KLHL35: variants seen among roughly 807,000 people sequenced by gnomAD.
KLHL35 encodes kelch like family member 35, also known as kelch-like protein 35.
A neutral mutation model predicts 44.0 loss-of-function variants in KLHL35; 50 were observed. The observed-to-expected ratio is 1.14, with a 90% CI of 0.91 to 1.44. KLHL35 has a LOEUF of 1.44. Among genes scored for constraint, KLHL35 ranks in the 40% most tolerant of loss-of-function variants. The pLI is 0.00. For synonymous variants in KLHL35, 470 were observed against 410.4 expected, an observed-to-expected ratio of 1.15 and a Z score of -1.76; for missense variants, 1,049 against 887.8, an observed-to-expected ratio of 1.18 and a Z score of -2.31.
intron 2 of KLHL35, 85 bp downstream of exon 2, chr11:75,429,664 T>TA: frequency 1.5e-6 from 2 of 1,350,610 alleles, no homozygotes; most frequent in East Asian, 6.2e-5. Context: ...CAAGAGGCAG[T>TA]ACTAAAAGAT....
chr11:75,424,092 G>C, intron 5 of KLHL35: 1 of 526,954 alleles, frequency 1.9e-6, no homozygotes, highest in Non-Finnish European at 3.4e-6. Flanking sequence ...TCTGTCCTCT[G>C]CCTCTGGACT....
rs370027285 is a variant in KLHL35 at position 75,426,501 on chromosome 11, C to T, written c.1185+19G>A. 17 of 1,524,554 alleles carry T rather than the reference C, an allele frequency of 1.1e-5. No homozygotes were observed. The highest frequency in any genetic ancestry group is 3.7e-5 in the Admixed American group (2 of 53,668). 94.4% of individuals were successfully genotyped at this position (1,524,554 alleles called of 1,614,324 possible). ...TCTGTACCTTGTGTCCCAGGGCAGC[C>T]GCTGCAGCTCGTGCCTACCTGCCCC... On this transcript the variant is annotated intron_variant, in intron 4 of 6. Transcript: ENST00000539798.
Position 75,422,768 on chromosome 11 carries a change from C to T in KLHL35, c.1564G>A (p.Glu522Lys). The T allele has an allele frequency of 6.2e-7, 1 of 1,608,026 alleles. No homozygotes were observed. The highest frequency in any genetic ancestry group is 8.5e-7 in the Non-Finnish European group (1 of 1,174,880). Reference protein sequence around the residue: ...GEAAVLPSPVESCGVTVCDGK... With the variant: ...GEAAVLPSPVKSCGVTVCDGK... ...TCACACACAGTGACTCCACAGCTTTCCTGGGTGGACAAACAGAAAGACAAC... is the reference window on the plus strand; with the variant it reads ...TCACACACAGTGACTCCACAGCTTTTCTGGGTGGACAAACAGAAAGACAAC... The change falls in exon 7 of 7, where the codon GAA becomes AAA. Residue 522 changes from glutamate (E) to lysine (K), a missense_variant and splice_region_variant. Physicochemically the swap from Glu to Lys is moderately conservative, Grantham distance 56. Coordinates refer to ENST00000539798, the MANE Select transcript of KLHL35 (RefSeq NM_001039548.3).
chr11:75,426,448 G>C, intron 4 of KLHL35, 72 bp downstream of exon 4: 3 of 1,072,966 alleles, frequency 2.8e-6, no homozygotes, highest in Non-Finnish European at 4.0e-6. Flanking sequence ...GAGGGTTTTA[G>C]AGAACCTCCC....
chr11:75,429,695 G>A (rs971169159), intron 2 of KLHL35, 54 bp downstream of exon 2: 3 of 1,401,490 alleles, frequency 2.1e-6, no homozygotes, highest in Admixed American at 6.8e-5. Flanking sequence ...TGAATGAGCG[G>A]TGGAAGCAGG....
Position 75,429,857 on chromosome 11 carries a change from G to T in KLHL35, c.773C>A (p.Ala258Glu), listed in dbSNP as rs764731721. 12 of 1,517,022 alleles carry T rather than the reference G, an allele frequency of 7.9e-6. 1 individual carries two copies. In the East Asian group the frequency reaches 8.2e-5, roughly 10 times the overall value. 94.0% of individuals were successfully genotyped at this position (1,517,022 alleles called of 1,614,324 possible). The change falls in exon 2 of 7, where the codon GCG becomes GAG. Residue 258 changes from alanine to glutamate, a missense_variant. By Grantham distance (107) the Ala-to-Glu change is moderately radical. Coordinates refer to ENST00000539798, the MANE Select transcript of KLHL35 (RefSeq NM_001039548.3). ...APAYFLEKVE[A>E]DELLQACGEC... ...GCCGCAGGCCTGCAGCAGCTCGTCC[G>T]CCTCCACCTTCTCCAGGAAGTAAGC...
chr11:75,431,486 G>T (rs1413378877), intron 1 of KLHL35, among the ~76,000 whole-genome samples: 1 of 152,164 alleles, frequency 6.6e-6, no homozygotes, highest in East Asian at 1.9e-4. Flanking sequence ...GTCAGGGAGG[G>T]CGTCCCTGAG....
chr11:75,428,632 G>C lies in KLHL35; in HGVS notation c.882-6C>G. On this transcript the variant is annotated splice_region_variant and splice_polypyrimidine_tract_variant and intron_variant, in intron 2 of 6. Transcript: ENST00000539798. ...CTTCAGCTAGGTCCATGAATCTGGC[G>C]TGCGGATAAGCCCAGTGCCTGTTGG... 1.3e-6 allele frequency: 2 copies of C among 1,574,012 alleles called. No homozygotes were observed. The highest frequency in any genetic ancestry group is 1.7e-5 in the Admixed American group (1 of 57,334).
At chr11:75,425,850 G>A (rs1269277269) in intron 4 of KLHL35, 1 of 382,854 alleles carries the variant, frequency 2.6e-6, no homozygotes, top group African/African-American at 2.1e-5. Context: ...GCACCAAGCT[G>A]ATGCTTAATA....
chr11:75,428,357 C>A, intron 3 of KLHL35, 85 bp downstream of exon 3: 1 of 1,483,946 alleles, frequency 6.7e-7, no homozygotes, highest in East Asian at 2.3e-5. Context: ...CCCCTCTCTC[C>A]CGATTGGAGG....
At chr11:75,422,817 C>G in intron 6 of KLHL35, 49 bp from the exon 7 acceptor site, 1 of 1,558,920 alleles carries the variant, frequency 6.4e-7, no homozygotes, top group Non-Finnish European at 8.8e-7. Flanking sequence ...CTGGGGCTTC[C>G]TCTGTCCCTG....
chr11:75,426,885 C>T, intron 3 of KLHL35: 1 of 373,154 alleles, frequency 2.7e-6, no homozygotes, highest in Non-Finnish European at 5.0e-6. Flanking sequence ...CTGGTTTTCG[C>T]CGGGCACCTT....
rs1299395192 is a variant in KLHL35, at chr11:75,433,124, T to C, written c.-83A>G. 6.6e-6 allele frequency among the ~76,000 whole-genome samples: 1 copy of C among 152,118 alleles called. No homozygotes were observed. The highest frequency in any genetic ancestry group is 1.5e-5 in the Non-Finnish European group (1 of 68,028). ...CGTTTGTGCCTGCCGCCCGCACCCC[T>C]GGCAGCCCAAGCTCCAGTGTTCATG... On this transcript the variant is annotated 5_prime_UTR_variant, in exon 1 of 7. Coordinates refer to ENST00000539798, the MANE Select transcript of KLHL35 (RefSeq NM_001039548.3).
At position 75,430,476 on chromosome 11, in the gene KLHL35, A is replaced by G; in HGVS notation, c.154T>C (p.Phe52Leu). The G allele has an allele frequency of 7.1e-7, 1 of 1,402,152 alleles. No individual in the cohort carries two copies. The highest frequency in any genetic ancestry group is 9.2e-7 in the Non-Finnish European group (1 of 1,081,702). 86.9% of individuals were successfully genotyped at this position (1,402,152 alleles called of 1,614,324 possible). A position where few individuals can be genotyped will look rare whatever the true frequency, so the allele number is the denominator to read the frequency against. Reference sequence around the variant, plus strand: ...CTGAGCGCCGCGCGGTGGCACGGAAAGTCGCGCCCGCCGGCGCGCAGCACC... The same window carrying G: ...CTGAGCGCCGCGCGGTGGCACGGAAGGTCGCGCCCGCCGGCGCGCAGCACC... ...DVVLRAGGRD[F>L]PCHRAALSAG... The change falls in exon 2 of 7, where the codon TTT (phenylalanine) becomes CTT (leucine). Residue 52 changes from phenylalanine (F) to leucine (L), a missense_variant. Physicochemically the swap from Phe to Leu is conservative, Grantham distance 22. Transcript: ENST00000539798.
chr11:75,425,525 G>A lies in KLHL35; in HGVS notation c.1242C>T (p.Tyr414=), dbSNP rs769589808. ...GLRRLHSVER[Y]DPFSNTWAAA... ...CCGCCCAGGTGTTGGAGAAGGGGTC[G>A]TAGCGCTCCACGCTGTGCAGGCGCC... Residue 414 remains tyrosine (Y), a synonymous_variant, in exon 5 of 7, where the codon TAC becomes TAT. Coordinates refer to ENST00000539798, the MANE Select transcript of KLHL35 (RefSeq NM_001039548.3). 4.5e-6 allele frequency: 7 copies of A among 1,557,196 alleles called. No individual in the cohort carries two copies. The highest frequency in any genetic ancestry group is 4.0e-5 in the Admixed American group (2 of 49,492).
chr11:75,430,630 C>T lies in KLHL35; in HGVS notation c.-1G>A, dbSNP rs771851129. The T allele has an allele frequency of 2.9e-6, 4 of 1,379,390 alleles. No homozygotes were observed. The highest frequency in any genetic ancestry group is 3.2e-5 in the South Asian group (2 of 62,852). The allele number at this position is 1,379,390 out of a possible 1,614,324, so 85.4% of individuals were successfully genotyped here. ...CCTCCGGCGCATGGCCTTGCCGCAT[C>T]CTGCCGGGGAGAGAACACAAACAGC... On this transcript the variant is annotated splice_region_variant and 5_prime_UTR_variant, in exon 2 of 7. Coordinates refer to ENST00000539798, the MANE Select transcript of KLHL35 (RefSeq NM_001039548.3).
Position 75,425,498 on chromosome 11 carries a change from G to A in KLHL35, c.1269C>T (p.Ala423=), listed in dbSNP as rs780950743. ...RYDPFSNTWA[A]AAPLPEAVSS... ...TCACGGCCTCCGGGAGGGGCGCGGCGGCCGCCCAGGTGTTGGAGAAGGGGT... is the reference window on the plus strand; with the variant it reads ...TCACGGCCTCCGGGAGGGGCGCGGCAGCCGCCCAGGTGTTGGAGAAGGGGT... The change falls in exon 5 of 7, where the codon GCC becomes GCT. Residue 423 remains alanine (A), a synonymous_variant. Coordinates refer to ENST00000539798, the MANE Select transcript of KLHL35 (RefSeq NM_001039548.3). 7.7e-6 allele frequency: 12 copies of A among 1,561,120 alleles called. No homozygotes were observed. Among genetic ancestry groups the A allele is most frequent in the Middle Eastern group, 1.8e-4 (1 of 5,672 alleles).
At chr11:75,425,957 C>CTT (rs11319241) in intron 4 of KLHL35, 110 of 153,916 alleles carry the variant, frequency 7.1e-4, no homozygotes, top group Middle Eastern at 3.0e-3. Context: ...AGATAATTGA[C>CTT]TTTTTTTTTT....
At position 75,430,297 on chromosome 11, in the gene KLHL35, G is replaced by A. The variant is rs1203961340; in HGVS notation, c.333C>T (p.Tyr111=). The A allele has an allele frequency of 1.6e-6, 2 of 1,231,752 alleles. No homozygotes were observed. The highest frequency in any genetic ancestry group is 1.0e-6 in the Non-Finnish European group (1 of 989,158). 76.3% of individuals were successfully genotyped at this position (1,231,752 alleles called of 1,614,324 possible). A position where few individuals can be genotyped will look rare whatever the true frequency, so the allele number is the denominator to read the frequency against. ...AALAVVLDYV[Y]GAGVRLRAED... ...CCGCGCGCAGCCGCACGCCCGCTCC[G>A]TACACGTAGTCGAGCACCACGGCCA... Residue 111 remains tyrosine, a synonymous_variant, in exon 2 of 7, where the codon TAC becomes TAT. Coordinates refer to ENST00000539798, the MANE Select transcript of KLHL35 (RefSeq NM_001039548.3).
Sources: allele counts gnomAD v4.1 joint callset (sites outside exome capture counted in the v4.1 genomes callset), GRCh38; gene constraint gnomAD v4.1.1; transcripts MANE v1.5; gene names NCBI Gene and HGNC (gene_info 2026-07-23, HGNC 2026-07-21).